The following GTF3C1 variants were observed in gnomAD, a reference collection of about 807,000 sequenced individuals.
GTF3C1 encodes the protein general transcription factor 3C polypeptide 1.
GTF3C1 carries 57 observed loss-of-function variants against 226.7 expected under a neutral mutation model. The ratio of observed to expected loss-of-function variants is 0.25; its 90% CI spans 0.20 to 0.31. The LOEUF (loss-of-function observed/expected upper bound fraction) is 0.31, where lower values mean the gene tolerates loss of function less well. Ranked by LOEUF, GTF3C1 falls within the 10% of genes least tolerant of loss-of-function variation. The pLI, the probability that GTF3C1 is intolerant of heterozygous loss-of-function variation, is 1.00. For synonymous variants in GTF3C1, 1,090 were observed against 1,084.8 expected (o/e 1.00, Z -0.09); for missense variants, 2,217 against 2,776.1 (o/e 0.80, Z 4.53).
chr16:27,512,009 C>T, intron 6 of GTF3C1, 108 bp from the exon 7 acceptor site: 1 of 1,228,634 alleles, frequency 8.1e-7, no homozygotes, highest in South Asian at 1.4e-5. Context: ...ACAGAGATCC[C>T]CACAAAGGTC....
Position 27,538,227 on chromosome 16 carries a change from G to A in GTF3C1, c.561C>T (p.Ser187=). 24 of 1,605,874 alleles carry A rather than the reference G, an allele frequency of 1.5e-5. No individual in the cohort carries two copies. The highest frequency in any genetic ancestry group is 2.2e-5 in the East Asian group (1 of 44,820). ...SYCILERLGR[S]RWQGELQRDL... is the part of the protein sequence containing the mutation. ...CTCGCTGGAGCTCCCCTTGCCACCT[G>A]GACCGGCCTAGCCGTTCCAGGATGC... The change falls in exon 3 of 37, where the codon TCC becomes TCT. Residue 187 remains serine (S), a synonymous_variant. Transcript: ENST00000356183.
At chr16:27,486,180 G>A (rs1349780224) in intron 23 of GTF3C1, 26 bp from the exon 24 acceptor site, 27 of 1,500,286 alleles carry the variant, frequency 1.8e-5, no homozygotes, top group Non-Finnish European at 2.5e-5. Context: ...GGAGAAGGCA[G>A]GAGACCTCTA....
chr16:27,470,260 G>A lies in GTF3C1; in HGVS notation c.4662C>T (p.Asn1554=), dbSNP rs1384618235. ...FKDQDNNEPT[N]DMVAFSLDGP... ...CGTCCAGTGAAAAGGCCACCATGTC[G>A]TTTGTGGGCTCGTTATTATCCTGGT... The change falls in exon 31 of 37, where the codon AAC becomes AAT. Residue 1554 remains asparagine, a synonymous_variant. Transcript: ENST00000356183. This position sits in a 1 kb window ranked among gnomAD's most constrained non-coding sequence, Gnocchi z 4.9. The A allele has an allele frequency of 6.8e-6, 11 of 1,613,982 alleles. No individual in the cohort carries two copies. The highest frequency in any genetic ancestry group is 3.3e-5 in the Admixed American group (2 of 60,030).
rs749374366 is a variant in GTF3C1 at position 27,471,694 on chromosome 16, C to T, written c.4526+54G>A. On this transcript the variant is annotated intron_variant, in intron 30 of 36. Transcript: ENST00000356183. This position sits in a 1 kb window ranked among gnomAD's most constrained non-coding sequence, Gnocchi z 5.0. ...ACAGTGCTTCCTTTGCTCCTCTTTA[C>T]AGACAGGGCGTGGCTCCACCTCGGA... 4.1e-5 allele frequency: 58 copies of T among 1,410,060 alleles called. No homozygotes were observed. The highest frequency in any genetic ancestry group is 5.2e-5 in the Admixed American group (3 of 57,948). The allele number at this position is 1,410,060 out of a possible 1,614,324, so 87.3% of individuals were successfully genotyped here. A position where few individuals can be genotyped will look rare whatever the true frequency, so the allele number is the denominator to read the frequency against.
At chr16:27,508,088 C>A (rs184240000) in intron 8 of GTF3C1, among the ~76,000 whole-genome samples, 27 of 152,364 alleles carry the variant, frequency 1.8e-4, no homozygotes, top group African/African-American at 6.0e-4. Context: ...CGGCTCACTG[C>A]AACCTCTGCC....
intron 6 of GTF3C1, among the ~76,000 whole-genome samples, chr16:27,514,858 C>T (rs1279348580): frequency 6.6e-6 from 1 of 152,196 alleles, no homozygotes; most frequent in African/African-American, 2.4e-5. Context: ...TTAGACGCCC[C>T]TGATTCAAAA....
chr16:27,465,273 G>T lies in GTF3C1; in HGVS notation c.5342C>A (p.Ala1781Glu), dbSNP rs1349361369. 6.2e-7 allele frequency: 1 copy of T among 1,614,054 alleles called. No individual in the cohort carries two copies. Residue 1781 changes from alanine (A) to glutamate (E), a missense_variant, in exon 33 of 37, where the codon GCA (alanine) becomes GAA (glutamate). Ala to Glu is a moderately radical substitution (Grantham distance 107). This residue lies in a region of GTF3C1 where 455 missense variants were observed against 441.9 expected (regional missense o/e 1.03). Coordinates refer to ENST00000356183, the MANE Select transcript of GTF3C1 (RefSeq NM_001520.4). The part of the protein sequence containing the change: ...KAGGGRTRTF[A>E]DCIQALLEQH... Reference sequence around the variant, plus strand: ...AGCACAGCTCACCTGGATGCAATCTGCGAATGTCCTGGTGCGCCCACCACC... The same window carrying T: ...AGCACAGCTCACCTGGATGCAATCTTCGAATGTCCTGGTGCGCCCACCACC...
intron 1 of GTF3C1, among the ~76,000 whole-genome samples, chr16:27,546,542 T>C (rs1171221619): frequency 6.6e-6 from 1 of 150,762 alleles, no homozygotes; most frequent in Non-Finnish European, 1.5e-5. Context: ...CCCCTCACTA[T>C]GTTGCCCAGA....
At chr16:27,518,786 G>A (rs956130921) in intron 6 of GTF3C1, among the ~76,000 whole-genome samples, 1 of 152,204 alleles carries the variant, frequency 6.6e-6, no homozygotes, top group African/African-American at 2.4e-5. Flanking sequence ...TTGAATTCTG[G>A]CTCAGCCATG....
intron 24 of GTF3C1, among the ~76,000 whole-genome samples, chr16:27,485,082 C>T (rs2088116938): frequency 1.3e-5 from 2 of 152,236 alleles, no homozygotes; most frequent in African/African-American, 2.4e-5. Context: ...AACATGTCAC[C>T]TTTCAGGTTC....
intron 6 of GTF3C1, among the ~76,000 whole-genome samples, chr16:27,522,829 T>C (rs772525543): frequency 1.1e-4 from 17 of 152,258 alleles, no homozygotes; most frequent in Non-Finnish European, 8.8e-5. Context: ...TTAAATATAT[T>C]TCTAAGTTAT....
chr16:27,499,824 G>A (rs2088378230), intron 12 of GTF3C1, among the ~76,000 whole-genome samples: 1 of 152,226 alleles, frequency 6.6e-6, no homozygotes, highest in African/African-American at 2.4e-5. Context: ...ACCAGCTCCA[G>A]CTCACATGGC....
At chr16:27,510,344 C>T (rs900349681) in intron 7 of GTF3C1, among the ~76,000 whole-genome samples, 4 of 151,926 alleles carry the variant, frequency 2.6e-5, no homozygotes, top group Admixed American at 2.6e-4. Context: ...CAAGATCGCA[C>T]CACTGCACTC....
intron 29 of GTF3C1, among the ~76,000 whole-genome samples, chr16:27,476,129 G>C (rs1029134520): frequency 6.6e-6 from 1 of 152,212 alleles, no homozygotes; most frequent in Non-Finnish European, 1.5e-5. Context: ...ACCAGGAGGA[G>C]AGATCGCCAA....
At chr16:27,504,198 T>G (rs2088450251) in intron 10 of GTF3C1, among the ~76,000 whole-genome samples, 1 of 152,176 alleles carries the variant, frequency 6.6e-6, no homozygotes, top group Non-Finnish European at 1.5e-5. Context: ...AGGACCATGG[T>G]GCTGCCATTA....
At chr16:27,475,684 C>T (rs2087940894) in intron 29 of GTF3C1, among the ~76,000 whole-genome samples, 1 of 152,128 alleles carries the variant, frequency 6.6e-6, no homozygotes, top group African/African-American at 2.4e-5. Context: ...TGTGATTTCC[C>T]TTCCTCACTC....
chr16:27,528,896 G>A (rs944370532), intron 5 of GTF3C1, among the ~76,000 whole-genome samples, 175 bp from the exon 6 acceptor site: 1 of 152,166 alleles, frequency 6.6e-6, no homozygotes, highest in African/African-American at 2.4e-5. Flanking sequence ...GTCCAGAGCA[G>A]GATATAAACG....
intron 4 of GTF3C1, among the ~76,000 whole-genome samples, chr16:27,536,627 A>C (rs938959379): frequency 6.6e-6 from 1 of 152,204 alleles, no homozygotes; most frequent in Non-Finnish European, 1.5e-5. Context: ...TCTTTGGCCC[A>C]ACCCATGTGC....
In GTF3C1 at chr16:27,497,677, TTTA is replaced by T; in HGVS notation, c.2307_2309del (p.Asn769del). The T allele has an allele frequency of 6.2e-7, 1 of 1,614,048 alleles. No individual in the cohort carries two copies. The highest frequency in any genetic ancestry group is 8.5e-7 in the Non-Finnish European group (1 of 1,179,924). ...AATTTCTAAGCGGGGTTATGCCCAT[TTTA>T]TTATCACTTTTTTTCATCCGTCCAC... On this transcript the variant is annotated inframe_deletion, in exon 14 of 37. Transcript: ENST00000356183.
Sources: gnomAD v4.1 joint callset for allele counts (sites outside exome capture counted in the v4.1 genomes callset) on GRCh38, gnomAD v4.1.1 for gene constraint, gnomAD v4.1.1 regional missense constraint, Gnocchi (gnomAD v3.1) non-coding constraint, MANE v1.5 for transcripts, NCBI Gene and HGNC (gene_info 2026-07-23, HGNC 2026-07-21) for gene names.